The following WWTR1 variants were observed in gnomAD, a reference collection of about 807,000 sequenced individuals.
WWTR1 encodes the protein WW domain-containing transcription regulator protein 1.
A neutral mutation model predicts 40.1 loss-of-function variants in WWTR1; 13 were observed. The observed-to-expected ratio is 0.32, with a 90% CI of 0.21 to 0.52. The LOEUF (loss-of-function observed/expected upper bound fraction) is 0.52, where lower values mean the gene tolerates loss of function less well. WWTR1 is among the 20% of genes least tolerant of loss of function. The probability of loss-of-function intolerance (pLI) is 0.97; values close to 1 mark genes in which losing one functional copy is unlikely to be tolerated. For synonymous variants in WWTR1, 230 were observed against 210.1 expected, an observed-to-expected ratio of 1.09 and a Z score of -0.82; for missense variants, 436 against 523.1, an observed-to-expected ratio of 0.83 and a Z score of 1.63.
intron 5 of WWTR1, among the ~76,000 whole-genome samples, chr3:149,715,217 G>T (rs925054304): frequency 3.9e-5 from 6 of 152,230 alleles, no homozygotes; most frequent in Admixed American, 2.6e-4. Flanking sequence ...CATGTTGTGG[G>T]TGAAGAGGAG....
intron 3 of WWTR1, among the ~76,000 whole-genome samples, chr3:149,557,999 T>A (rs1309691490): frequency 2.1e-4 from 26 of 124,944 alleles, no homozygotes; most frequent in African/African-American, 8.4e-4. Context: ...CAAGGCTCCA[T>A]CTCAAAAAAA....
At chr3:149,709,470 G>A (rs1160382376) in intron 5 of WWTR1, among the ~76,000 whole-genome samples, 1 of 151,982 alleles carries the variant, frequency 6.6e-6, no homozygotes, top group Non-Finnish European at 1.5e-5. Flanking sequence ...AGGTTGTTTT[G>A]TGGTTGCTGT....
intron 1 of WWTR1, among the ~76,000 whole-genome samples, chr3:149,699,582 C>T (rs747771973): frequency 2.0e-5 from 3 of 152,086 alleles, no homozygotes; most frequent in Non-Finnish European, 4.4e-5. Flanking sequence ...CATGAGCCAC[C>T]GTGCTCAGCC....
At chr3:149,723,470 G>A (rs1172010421) in intron 4 of WWTR1, among the ~76,000 whole-genome samples, 6 of 152,136 alleles carry the variant, frequency 3.9e-5, no homozygotes, top group Non-Finnish European at 8.8e-5. Flanking sequence ...TTACAGGTGT[G>A]AGCCACCTCA....
intron 2 of WWTR1, among the ~76,000 whole-genome samples, chr3:149,583,479 C>A (rs574607767): frequency 1.3e-5 from 2 of 152,320 alleles, no homozygotes; most frequent in South Asian, 4.1e-4. Flanking sequence ...TGGGTCTACA[C>A]ATGCGTGCCA....
chr3:149,719,420 C>G (rs1026861440), intron 4 of WWTR1, among the ~76,000 whole-genome samples: 1 of 152,150 alleles, frequency 6.6e-6, no homozygotes, highest in African/African-American at 2.4e-5. Flanking sequence ...ATCCACCTGC[C>G]TCGGCTTCCC....
intron 2 of WWTR1, among the ~76,000 whole-genome samples, chr3:149,622,295 T>C (rs1029926301): frequency 6.6e-6 from 1 of 152,092 alleles, no homozygotes; most frequent in African/African-American, 2.4e-5. Context: ...AAGATACACT[T>C]TGTTTTCAAA....
chr3:149,565,454 T>C (rs1202261155), intron 3 of WWTR1, among the ~76,000 whole-genome samples: 1 of 152,080 alleles, frequency 6.6e-6, no homozygotes, highest in African/African-American at 2.4e-5. Flanking sequence ...TAAAGACTCA[T>C]CCACATTAAG....
At chr3:149,655,662 C>A (rs1713168997) in intron 2 of WWTR1, among the ~76,000 whole-genome samples, 1 of 152,134 alleles carries the variant, frequency 6.6e-6, no homozygotes, top group South Asian at 2.1e-4. Context: ...ACTCCTTGGA[C>A]AAGATATCAA....
chr3:149,640,479 GC>G (rs1268655598), intron 2 of WWTR1, among the ~76,000 whole-genome samples: 8 of 152,016 alleles, frequency 5.3e-5, no homozygotes, highest in African/African-American at 1.9e-4. Flanking sequence ...GAAATGCAGT[GC>G]CCCAATCTTG....
intron 2 of WWTR1, among the ~76,000 whole-genome samples, chr3:149,648,345 T>C (rs1247125643): frequency 2.6e-5 from 4 of 152,204 alleles, no homozygotes; most frequent in Non-Finnish European, 5.9e-5. Flanking sequence ...TGCCAGGCAC[T>C]GTGCTCAAGT....
intron 2 of WWTR1, among the ~76,000 whole-genome samples, chr3:149,635,513 A>AAGGAGGAGAAGG (rs1321275568): frequency 2.0e-5 from 3 of 151,632 alleles, no homozygotes; most frequent in Non-Finnish European, 2.9e-5. Context: ...GAAGAAGAAG[A>AAGGAGGAGAAGG]AGGAGGAGAA....
intron 2 of WWTR1, among the ~76,000 whole-genome samples, chr3:149,620,048 C>T (rs1313288938): frequency 6.6e-6 from 1 of 152,152 alleles, no homozygotes; most frequent in Non-Finnish European, 1.5e-5. Context: ...TCCTGGGCTC[C>T]ATCTTATAGC....
At chr3:149,690,548 T>C (rs1316885883) in intron 1 of WWTR1, among the ~76,000 whole-genome samples, 1 of 151,958 alleles carries the variant, frequency 6.6e-6, no homozygotes, top group Non-Finnish European at 1.5e-5. Flanking sequence ...AAGGCATCAA[T>C]TCAGCAAGAT....
chr3:149,529,108 T>C (rs1232870682), intron 4 of WWTR1, among the ~76,000 whole-genome samples: 1 of 152,234 alleles, frequency 6.6e-6, no homozygotes, highest in Non-Finnish European at 1.5e-5. Context: ...TTTGTATGTT[T>C]ACATTTGCAT....
intron 3 of WWTR1, among the ~76,000 whole-genome samples, chr3:149,565,550 C>T (rs1233916597): frequency 6.6e-6 from 1 of 151,948 alleles, no homozygotes; most frequent in Non-Finnish European, 1.5e-5. Flanking sequence ...GAACTCAATC[C>T]GTTGATTTGG....
At chr3:149,668,607 C>CAAAAAAAAAAATAA (rs10522665) in intron 2 of WWTR1, among the ~76,000 whole-genome samples, 1 of 125,474 alleles carries the variant, frequency 8.0e-6, no homozygotes, top group Non-Finnish European at 1.7e-5. Context: ...GATTGTGTCT[C>CAAAAAAAAAAATAA]AAAAAAAACA....
chr3:149,568,245 G>A (rs1490334277), intron 3 of WWTR1, among the ~76,000 whole-genome samples: 1 of 152,006 alleles, frequency 6.6e-6, no homozygotes, highest in African/African-American at 2.4e-5. Context: ...AATTAGCTGG[G>A]TGTGGTGGCG....
chr3:149,697,498 T>C (rs1012445436), intron 1 of WWTR1, among the ~76,000 whole-genome samples: 3 of 152,096 alleles, frequency 2.0e-5, no homozygotes, highest in Non-Finnish European at 4.4e-5. Flanking sequence ...ATCAATATTG[T>C]TAATATGTCC....
Sources: allele counts gnomAD v4.1 joint callset (sites outside exome capture counted in the v4.1 genomes callset), GRCh38; gene constraint gnomAD v4.1.1; transcripts MANE v1.5; gene names NCBI Gene and HGNC (gene_info 2026-07-23, HGNC 2026-07-21).